NKAIN2: variants seen among roughly 807,000 people sequenced by gnomAD.
NKAIN2 encodes sodium/potassium-transporting ATPase subunit beta-1-interacting protein 2.
A neutral mutation model predicts 32.6 loss-of-function variants in NKAIN2; 14 were observed. The ratio of observed to expected loss-of-function variants is 0.43; its 90% CI spans 0.28 to 0.67. The LOEUF is 0.67. Among genes scored for constraint, NKAIN2 ranks in the 30% least tolerant of loss-of-function variants. The pLI, the probability that NKAIN2 is intolerant of heterozygous loss-of-function variation, is 0.17. For synonymous variants in NKAIN2, 80 were observed against 87.2 expected (o/e 0.92, Z 0.46); for missense variants, 198 against 258.3 (o/e 0.77, Z 1.60).
chr6:123,910,499 G>GTTTTTTTTTTCTTTT (rs1775118495), intron 1 of NKAIN2, among the ~76,000 whole-genome samples: 1 of 81,314 alleles, frequency 1.2e-5, no homozygotes, highest in African/African-American at 5.0e-5. Flanking sequence ...TGCAATGCAT[G>GTTTTTTTTTTCTTTT]TTTTTTTTTT....
intron 1 of NKAIN2, among the ~76,000 whole-genome samples, chr6:124,084,015 G>C (rs769830583): frequency 6.6e-6 from 1 of 151,930 alleles, no homozygotes; most frequent in Non-Finnish European, 1.5e-5. Context: ...TATAACAGAA[G>C]GTAGAGACTT....
chr6:123,853,025 T>G (rs897125220), intron 1 of NKAIN2, among the ~76,000 whole-genome samples: 1 of 152,230 alleles, frequency 6.6e-6, no homozygotes, highest in African/African-American at 2.4e-5. Flanking sequence ...TATCATCATG[T>G]TGAGTATCAT....
chr6:123,854,997 C>G (rs2114965759), intron 1 of NKAIN2, among the ~76,000 whole-genome samples: 1 of 152,314 alleles, frequency 6.6e-6, no homozygotes, highest in African/African-American at 2.4e-5. Context: ...ATTCATACCT[C>G]TACTCTGTCC....
In NKAIN2 at chr6:124,346,045, G is replaced by A. The variant is rs540926982; in HGVS notation, c.193-9222G>A. On this transcript the variant is annotated intron_variant, in intron 2 of 6. Coordinates refer to ENST00000368417, the MANE Select transcript of NKAIN2 (RefSeq NM_001040214.3). The stretch of plus-strand genomic sequence containing the variant: ...TGTGGTATGTTGTGTCTTTGTTCTC[G>A]TTGGTTTCAAAGAGCATCTTTATTT... Among the ~76,000 whole-genome samples, 24 of 152,004 alleles carry A rather than the reference G, an allele frequency of 1.6e-4. No individual in the cohort carries two copies. The South Asian group carries it at 2.7e-3, about 17-fold the overall frequency.
chr6:124,479,527 G>A (rs1777362856), intron 3 of NKAIN2, among the ~76,000 whole-genome samples: 1 of 152,148 alleles, frequency 6.6e-6, no homozygotes, highest in Non-Finnish European at 1.5e-5. Flanking sequence ...GTAATGGGAT[G>A]GGAAGGATTC....
At chr6:124,231,210 G>T (rs1486581550) in intron 1 of NKAIN2, among the ~76,000 whole-genome samples, 1 of 152,166 alleles carries the variant, frequency 6.6e-6, no homozygotes, top group Non-Finnish European at 1.5e-5. Context: ...CCTTTGTTTT[G>T]ACCAATCTCC....
At chr6:124,485,835 T>C (rs1429033641) in intron 3 of NKAIN2, among the ~76,000 whole-genome samples, 1 of 152,156 alleles carries the variant, frequency 6.6e-6, no homozygotes, top group Non-Finnish European at 1.5e-5. Context: ...TTCCCTTCCA[T>C]GGTCTGGTGT....
rs541248783 is a variant in NKAIN2 at position 124,447,717 on chromosome 6, CA to C, written c.273+92371del. Among the ~76,000 whole-genome samples, 27 of 152,258 alleles carry C rather than the reference CA, an allele frequency of 1.8e-4. 1 individual carries two copies. In the South Asian group the frequency reaches 2.1e-3, roughly 12 times the overall value. On this transcript the variant is annotated intron_variant, in intron 3 of 6. Coordinates refer to ENST00000368417, the MANE Select transcript of NKAIN2 (RefSeq NM_001040214.3). Reference sequence around the variant, plus strand: ...TGTAATCATTTTAGCCTGACTTCTGCATAATTGCATCCCATCTCTGCAGGGC... The same window carrying C: ...TGTAATCATTTTAGCCTGACTTCTGCTAATTGCATCCCATCTCTGCAGGGC...
At chr6:123,886,302 A>G (rs1773710066) in intron 1 of NKAIN2, among the ~76,000 whole-genome samples, 2 of 152,098 alleles carry the variant, frequency 1.3e-5, no homozygotes, top group South Asian at 4.1e-4. Context: ...ATTTCTTTAT[A>G]AGTATATATT....
At chr6:124,155,379 G>T (rs142844339) in intron 1 of NKAIN2, among the ~76,000 whole-genome samples, 2 of 151,896 alleles carry the variant, frequency 1.3e-5, no homozygotes, top group Admixed American at 1.3e-4. Flanking sequence ...TGATCTGATC[G>T]CTGTACATCA....
intron 4 of NKAIN2, among the ~76,000 whole-genome samples, chr6:124,745,224 A>G (rs1361125): frequency 0.98 from 148,339 of 151,950 alleles, 72,494 homozygotes; most frequent in East Asian, 1. Flanking sequence ...GACAGAATAT[A>G]TAAATATTCT....
At chr6:124,152,801 T>C (rs1045137661) in intron 1 of NKAIN2, among the ~76,000 whole-genome samples, 4 of 151,934 alleles carry the variant, frequency 2.6e-5, no homozygotes, top group African/African-American at 7.2e-5. Context: ...TTGGCATATA[T>C]GCACAATAAA....
rs576777323 is a variant in NKAIN2 at position 124,188,134 on chromosome 6, G to GA, written c.55-94865dup. Reference sequence around the variant, plus strand: ...TGCGCCACAGTTCTAGAGCTCAGGAGAAAAAATTTTAAACCTAGTGATTCT... The same window carrying GA: ...TGCGCCACAGTTCTAGAGCTCAGGAGAAAAAAATTTTAAACCTAGTGATTCT... On this transcript the variant is annotated intron_variant, in intron 1 of 6. Transcript: ENST00000368417. Among the ~76,000 whole-genome samples, 1,064 of 152,238 alleles carry GA rather than the reference G, an allele frequency of 7.0e-3. 9 individuals are homozygous for GA. The highest frequency in any genetic ancestry group is 0.011 in the Non-Finnish European group (759 of 68,008).
At chr6:124,571,916 G>A (rs994969571) in intron 3 of NKAIN2, among the ~76,000 whole-genome samples, 7 of 152,062 alleles carry the variant, frequency 4.6e-5, no homozygotes, top group Non-Finnish European at 7.4e-5. Flanking sequence ...ACTTCTCAAA[G>A]GCAGATCATT....
chr6:124,048,262 G>A (rs1286679661), intron 1 of NKAIN2, among the ~76,000 whole-genome samples: 1 of 151,818 alleles, frequency 6.6e-6, no homozygotes, highest in Admixed American at 6.6e-5. Context: ...GCTATTTTGG[G>A]GCTTTTACAA....
intron 1 of NKAIN2, among the ~76,000 whole-genome samples, chr6:123,967,631 C>T (rs1271600763): frequency 1.3e-5 from 2 of 151,562 alleles, no homozygotes; most frequent in Admixed American, 6.6e-5. Flanking sequence ...CACAGAAGTC[C>T]AACAAAGCCA....
chr6:124,667,856 C>T (rs1393732902), intron 4 of NKAIN2, among the ~76,000 whole-genome samples: 1 of 152,006 alleles, frequency 6.6e-6, no homozygotes, highest in African/African-American at 2.4e-5. Context: ...AATTTTTACA[C>T]AGTAAAAAAA....
At chr6:123,923,349 A>G (rs1008640060) in intron 1 of NKAIN2, among the ~76,000 whole-genome samples, 2 of 151,574 alleles carry the variant, frequency 1.3e-5, no homozygotes, top group Admixed American at 6.6e-5. Context: ...ACTTTTCACT[A>G]TAAGCTTTTT....
intron 1 of NKAIN2, among the ~76,000 whole-genome samples, chr6:123,969,750 G>A (rs189026792): frequency 3.9e-5 from 6 of 152,172 alleles, no homozygotes; most frequent in Admixed American, 2.6e-4. Flanking sequence ...GCTTCCCCTA[G>A]GACAGAGTAA....
Sources: allele counts gnomAD v4.1 joint callset (sites outside exome capture counted in the v4.1 genomes callset), GRCh38; gene constraint gnomAD v4.1.1; transcripts MANE v1.5; gene names NCBI Gene and HGNC (gene_info 2026-07-23, HGNC 2026-07-21).